Variants in EXOC6B observed in about 807,000 individuals in gnomAD.
The protein encoded by EXOC6B is exocyst complex component 6B.
Under a neutral mutation model 113.5 loss-of-function variants are expected in EXOC6B, and 54 were observed. The ratio of observed to expected loss-of-function variants is 0.48; its 90% CI spans 0.38 to 0.60. The LOEUF (loss-of-function observed/expected upper bound fraction) is 0.60. Among genes scored for constraint, EXOC6B ranks in the 20% least tolerant of loss-of-function variants. The pLI is 0.00. For missense variants in EXOC6B, 797 were observed against 977.5 expected, an observed-to-expected ratio of 0.82 and a Z score of 2.46; for synonymous variants, 357 against 339.0, an observed-to-expected ratio of 1.05 and a Z score of -0.58.
chr2:72,812,663 C>G (rs1420769714), intron 1 of EXOC6B, among the ~76,000 whole-genome samples: 2 of 151,328 alleles, frequency 1.3e-5, no homozygotes, highest in Non-Finnish European at 2.9e-5. Flanking sequence ...GCACTCCAGC[C>G]TGGGTGACTG....
intron 20 of EXOC6B, among the ~76,000 whole-genome samples, chr2:72,224,806 G>GTA (rs1416747946): frequency 6.7e-6 from 1 of 148,292 alleles, no homozygotes; most frequent in Non-Finnish European, 1.5e-5. Context: ...ATCTGTGTGT[G>GTA]TGTGTGTGTG....
At chr2:72,804,484 A>G (rs1217742320) in intron 1 of EXOC6B, among the ~76,000 whole-genome samples, 1 of 152,238 alleles carries the variant, frequency 6.6e-6, no homozygotes, top group Non-Finnish European at 1.5e-5. Context: ...TAATGGTGCA[A>G]AACAACAGCA....
At chr2:72,359,382 T>C (rs1690164841) in intron 19 of EXOC6B, among the ~76,000 whole-genome samples, 1 of 152,134 alleles carries the variant, frequency 6.6e-6, no homozygotes, top group African/African-American at 2.4e-5. Context: ...ATCACAGCAT[T>C]TGAACCCTCC....
chr2:72,222,018 T>C (rs1680898833), intron 20 of EXOC6B, among the ~76,000 whole-genome samples: 1 of 152,276 alleles, frequency 6.6e-6, no homozygotes, highest in African/African-American at 2.4e-5. Context: ...AGGTGAAAGA[T>C]GACTGAGCAG....
intron 5 of EXOC6B, among the ~76,000 whole-genome samples, chr2:72,725,755 G>A (rs2104753109): frequency 6.6e-6 from 1 of 152,220 alleles, no homozygotes; most frequent in African/African-American, 2.4e-5. Context: ...TGCTGCTGTT[G>A]GGAAGATAAA....
chr2:72,722,457 T>TTTTTG (rs911286412), intron 5 of EXOC6B, among the ~76,000 whole-genome samples: 1 of 152,214 alleles, frequency 6.6e-6, no homozygotes, highest in African/African-American at 2.4e-5. Flanking sequence ...TTACTTGGTT[T>TTTTTG]TTTTGTTTTG....
intron 1 of EXOC6B, among the ~76,000 whole-genome samples, chr2:72,783,318 C>CTTTTTTTTTTT (rs70963146): frequency 3.3e-3 from 202 of 60,402 alleles, no homozygotes; most frequent in Middle Eastern, 0.028. Context: ...TTTTTCTTTT[C>CTTTTTTTTTTT]TTTTTTTTTT....
At chr2:72,417,312 T>C (rs780157176) in intron 18 of EXOC6B, among the ~76,000 whole-genome samples, 111 of 152,176 alleles carry the variant, frequency 7.3e-4, no homozygotes, top group Non-Finnish European at 7.6e-4. Context: ...GCCTCAGCCT[T>C]TAGAGCAGCT....
At chr2:72,677,864 T>G (rs1268617433) in intron 6 of EXOC6B, among the ~76,000 whole-genome samples, 1 of 152,174 alleles carries the variant, frequency 6.6e-6, no homozygotes, top group East Asian at 1.9e-4. Flanking sequence ...AATAAAAAGA[T>G]GAGCAATCCA....
In EXOC6B at chr2:72,788,691, C is replaced by T. The variant is rs144926153; in HGVS notation, c.113+37107G>A. Among the ~76,000 whole-genome samples, 60 of 152,154 alleles carry T rather than the reference C, an allele frequency of 3.9e-4. 1 individual carries two copies. The South Asian group carries it at 4.4e-3, about 11-fold the overall frequency. Reference sequence around the variant, plus strand: ...TATGCACCTGTAGTCCCAGCTACTCCAGAGGCTGAGGTGGAAGGATCGCGT... The same window carrying T: ...TATGCACCTGTAGTCCCAGCTACTCTAGAGGCTGAGGTGGAAGGATCGCGT... On this transcript the variant is annotated intron_variant, in intron 1 of 21. Coordinates refer to ENST00000272427, the MANE Select transcript of EXOC6B (RefSeq NM_015189.3).
intron 6 of EXOC6B, among the ~76,000 whole-genome samples, chr2:72,671,751 GAAAGAAAGAAAGAA>G (rs1209963330): frequency 4.4e-4 from 4 of 9,098 alleles, no homozygotes; most frequent in African/African-American, 5.5e-4. Context: ...GAGAGACAGA[GAAAGAAAGAAAGAA>G]AGAAAGAAAG....
chr2:72,793,017 T>C (rs1279271811), intron 1 of EXOC6B, among the ~76,000 whole-genome samples: 1 of 152,216 alleles, frequency 6.6e-6, no homozygotes, highest in Non-Finnish European at 1.5e-5. Context: ...CTGCCTTACC[T>C]ATGGTTCATC....
At chr2:72,233,990 C>T (rs1228234367) in intron 20 of EXOC6B, among the ~76,000 whole-genome samples, 4 of 152,112 alleles carry the variant, frequency 2.6e-5, no homozygotes, top group Admixed American at 6.5e-5. Flanking sequence ...CCCCATCCAC[C>T]GGACACTGGT....
intron 7 of EXOC6B, among the ~76,000 whole-genome samples, chr2:72,569,174 G>T (rs1352797793): frequency 6.6e-6 from 1 of 151,902 alleles, no homozygotes; most frequent in African/African-American, 2.4e-5. Context: ...TCCTTAATAG[G>T]CCAGCTTTCA....
intron 6 of EXOC6B, among the ~76,000 whole-genome samples, chr2:72,650,680 T>C (rs764034843): frequency 3.3e-5 from 5 of 150,852 alleles, no homozygotes; most frequent in Non-Finnish European, 7.4e-5. Flanking sequence ...TAGAAATATA[T>C]TTACTGAAGA....
At chr2:72,468,324 T>G (rs945526220) in intron 17 of EXOC6B, among the ~76,000 whole-genome samples, 1 of 152,332 alleles carries the variant, frequency 6.6e-6, no homozygotes, top group African/African-American at 2.4e-5. Flanking sequence ...GATTTTTATA[T>G]ATGGTGTGAG....
intron 20 of EXOC6B, among the ~76,000 whole-genome samples, chr2:72,299,454 A>T (rs149641924): frequency 4.0e-5 from 6 of 151,866 alleles, no homozygotes. Flanking sequence ...GCTTCCTTGC[A>T]TTGGGTTAGA....
rs1432483485 is a variant in EXOC6B, at chr2:72,814,052, G to C, written c.113+11746C>G. Among the ~76,000 whole-genome samples, 4 of 151,492 alleles carry C rather than the reference G, an allele frequency of 2.6e-5. No individual in the cohort carries two copies. The East Asian group carries it at 7.7e-4, about 29-fold the overall frequency. On this transcript the variant is annotated intron_variant, in intron 1 of 21. Coordinates refer to ENST00000272427, the MANE Select transcript of EXOC6B (RefSeq NM_015189.3). Reference sequence around the variant, plus strand: ...GGCTGGAATGTGCAACAAGATGTCAGTATGCCACTACACAATATCATAGTA... The same window carrying C: ...GGCTGGAATGTGCAACAAGATGTCACTATGCCACTACACAATATCATAGTA...
intron 6 of EXOC6B, among the ~76,000 whole-genome samples, chr2:72,665,790 A>C (rs1675349190): frequency 6.6e-6 from 1 of 152,202 alleles, no homozygotes; most frequent in African/African-American, 2.4e-5. Context: ...CTACGCAATC[A>C]AATCTATGAA....
Sources: allele counts gnomAD v4.1 joint callset (sites outside exome capture counted in the v4.1 genomes callset), GRCh38; gene constraint gnomAD v4.1.1; transcripts MANE v1.5; gene names NCBI Gene and HGNC (gene_info 2026-07-23, HGNC 2026-07-21).